TCF4: variants seen among roughly 807,000 people sequenced by gnomAD.
TCF4 encodes SL3-3 enhancer factor 2.
A neutral mutation model predicts 82.1 loss-of-function variants in TCF4; 3 were observed. The observed-to-expected ratio is 0.04, with a 90% confidence interval of 0.02 to 0.09. The LOEUF is 0.09. TCF4 is among the 10% of genes least tolerant of loss of function. The probability of loss-of-function intolerance (pLI) is 1.00; values close to 1 mark genes in which losing one functional copy is unlikely to be tolerated. For missense variants in TCF4, 518 were observed against 852.7 expected (o/e 0.61, Z 4.89); for synonymous variants, 276 against 309.6 (o/e 0.89, Z 1.14).
intron 1 of TCF4, among the ~76,000 whole-genome samples, chr18:55,635,030 T>C (rs896917866): frequency 9.9e-5 from 15 of 151,452 alleles, no homozygotes; most frequent in Admixed American, 5.3e-4. Context: ...CACATGAGAG[T>C]GGTTAGGGCT....
At chr18:55,353,328 T>G (rs1472944428) in intron 6 of TCF4, among the ~76,000 whole-genome samples, 1 of 152,200 alleles carries the variant, frequency 6.6e-6, no homozygotes. Context: ...TCATAATAAA[T>G]CACGCATCCA....
intron 2 of TCF4, among the ~76,000 whole-genome samples, chr18:55,612,100 A>G (rs2097707637): frequency 6.6e-6 from 1 of 152,178 alleles, no homozygotes; most frequent in Non-Finnish European, 1.5e-5. Flanking sequence ...AGCTATTTAC[A>G]TCTTCAGAAA....
At chr18:55,299,632 G>T (rs2067538615) in intron 8 of TCF4, among the ~76,000 whole-genome samples, 1 of 152,076 alleles carries the variant, frequency 6.6e-6, no homozygotes, top group Non-Finnish European at 1.5e-5. Flanking sequence ...CTCATGGGCT[G>T]CCCATCTTAG....
intron 2 of TCF4, among the ~76,000 whole-genome samples, chr18:55,599,248 T>C (rs2097694183): frequency 6.6e-6 from 1 of 152,192 alleles, no homozygotes; most frequent in Non-Finnish European, 1.5e-5. Context: ...TCTCAGATAT[T>C]TCCTTCCATG....
chr18:55,401,911 A>G (rs1049885373), intron 6 of TCF4: 3 of 853,538 alleles, frequency 3.5e-6, no homozygotes, highest in East Asian at 2.4e-4. Context: ...TCTTCTCCCC[A>G]AAACTCTAAT....
chr18:55,567,629 C>T (rs151192640), intron 3 of TCF4, among the ~76,000 whole-genome samples: 111 of 152,102 alleles, frequency 7.3e-4, no homozygotes, highest in African/African-American at 2.5e-3. Flanking sequence ...AGGAGAATTG[C>T]ATGAACCCAG....
intron 3 of TCF4, among the ~76,000 whole-genome samples, chr18:55,561,119 C>G (rs899123349): frequency 1.3e-5 from 2 of 152,228 alleles, no homozygotes; most frequent in Non-Finnish European, 2.9e-5. Context: ...TCCCTCAGCT[C>G]AAGCTGCCTT....
intron 6 of TCF4, among the ~76,000 whole-genome samples, chr18:55,379,045 A>T (rs2091409311): frequency 6.6e-6 from 1 of 152,176 alleles, no homozygotes; most frequent in Non-Finnish European, 1.5e-5. Flanking sequence ...GTTATGTGAC[A>T]TTTTCTGACA....
intron 15 of TCF4, among the ~76,000 whole-genome samples, chr18:55,246,147 G>A (rs900349055): frequency 7.2e-5 from 11 of 151,980 alleles, no homozygotes; most frequent in Non-Finnish European, 1.5e-4. Context: ...AAATGTGTCT[G>A]CCTGCCTTTT....
intron 3 of TCF4, among the ~76,000 whole-genome samples, chr18:55,557,679 C>T (rs1005445151): frequency 6.6e-6 from 1 of 151,956 alleles, no homozygotes; most frequent in Non-Finnish European, 1.5e-5. Flanking sequence ...CAAAATAATA[C>T]AAAAAGTTAT....
In TCF4 at chr18:55,283,190, A is replaced by AT. The variant is rs771469094; in HGVS notation, c.550-3535dup. On this transcript the variant is annotated intron_variant, in intron 8 of 19. Coordinates refer to ENST00000354452, the MANE Select transcript of TCF4 (RefSeq NM_001083962.2). ...AAAATGTTTTCATTTTACAGATTTA[A>AT]TTTTTTTTTTTTTTGGTAATCCAAG... is the stretch of plus-strand genomic sequence containing the variant. 4.5e-3 allele frequency among the ~76,000 whole-genome samples: 655 copies of AT among 144,344 alleles called. 6 individuals are homozygous for AT. The highest frequency in any genetic ancestry group is 0.011 in the African/African-American group (427 of 39,576). 94.7% of individuals were successfully genotyped at this position (144,344 alleles called of 152,430 possible).
At chr18:55,402,261 AG>A in intron 6 of TCF4, 1 of 983,640 alleles carries the variant, frequency 1.0e-6, no homozygotes, top group Non-Finnish European at 1.2e-6. Flanking sequence ...AAATATATAC[AG>A]GGAAAAAACA....
chr18:55,555,879 C>T (rs2097299333), intron 3 of TCF4, among the ~76,000 whole-genome samples: 1 of 152,102 alleles, frequency 6.6e-6, no homozygotes, highest in Admixed American at 6.6e-5. Flanking sequence ...CCTGTGAGAC[C>T]AAATACATCT....
At chr18:55,361,023 C>A (rs1235290603) in intron 6 of TCF4, among the ~76,000 whole-genome samples, 1 of 152,162 alleles carries the variant, frequency 6.6e-6, no homozygotes, top group Admixed American at 6.5e-5. Context: ...CCACACCTGG[C>A]CTGCTAACCC....
chr18:55,432,677 C>T (rs1329558605), intron 5 of TCF4, among the ~76,000 whole-genome samples: 1 of 152,166 alleles, frequency 6.6e-6, no homozygotes. Context: ...CATGCTACAC[C>T]GATTCTACTT....
At chr18:55,425,444 C>A (rs1285155483) in intron 5 of TCF4, among the ~76,000 whole-genome samples, 1 of 150,270 alleles carries the variant, frequency 6.7e-6, no homozygotes, top group Non-Finnish European at 1.5e-5. Flanking sequence ...ATGAATCTTT[C>A]CATTCCCCAA....
At position 55,463,946 on chromosome 18, in the gene TCF4, C is replaced by CTG. The variant is rs1491179811; in HGVS notation, c.207+129_207+130insCA. The CTG allele has an allele frequency of 0.013, 8,180 of 621,160 alleles. 49 individuals carry two copies. Among genetic ancestry groups the CTG allele is most frequent in the Non-Finnish European group, 0.016 (6,150 of 384,508 alleles). 38.5% of individuals were successfully genotyped at this position (621,160 alleles called of 1,614,324 possible). On this transcript the variant is annotated intron_variant, in intron 4 of 19. Transcript: ENST00000354452. ...TTTGTGTGCGTGTGCATGCCCATGCCTCTGTGTGTGTGTGTGTGTGTGTGT... is the reference window on the plus strand; with the variant it reads ...TTTGTGTGCGTGTGCATGCCCATGCCTGTCTGTGTGTGTGTGTGTGTGTGTGT...
intron 8 of TCF4, among the ~76,000 whole-genome samples, chr18:55,315,200 G>A (rs2073801734): frequency 6.6e-6 from 1 of 152,082 alleles, no homozygotes; most frequent in Admixed American, 6.6e-5. Context: ...TGACTTCTCA[G>A]GTGTTCAAAC....
chr18:55,299,939 C>T lies in TCF4; in HGVS notation c.550-20283G>A, dbSNP rs115205750. Among the ~76,000 whole-genome samples, 733 of 152,242 alleles carry T rather than the reference C, an allele frequency of 4.8e-3. 9 individuals carry two copies. The highest frequency in any genetic ancestry group is 0.017 in the African/African-American group (685 of 41,514). ...CTGAAGGGAAATGCTCATAGAGACA[C>T]ACATGCCTCACTTGCTTTTCCATCA... On this transcript the variant is annotated intron_variant, in intron 8 of 19. Transcript: ENST00000354452.
Sources: allele counts gnomAD v4.1 joint callset (sites outside exome capture counted in the v4.1 genomes callset), GRCh38; gene constraint gnomAD v4.1.1; transcripts MANE v1.5; gene names NCBI Gene and HGNC (gene_info 2026-07-23, HGNC 2026-07-21).